OLFM3: variants seen among roughly 807,000 people sequenced by gnomAD.
OLFM3 encodes the protein noelin-3.
A neutral mutation model predicts 48.6 loss-of-function variants in OLFM3; 20 were observed. That is an observed-to-expected ratio of 0.41 (90% confidence interval 0.29 to 0.60). The LOEUF (loss-of-function observed/expected upper bound fraction) is 0.60. OLFM3 is among the 20% of genes least tolerant of loss of function. The pLI is 0.28. For synonymous variants in OLFM3, 222 were observed against 198.1 expected, an observed-to-expected ratio of 1.12 and a Z score of -1.01; for missense variants, 437 against 544.3, an observed-to-expected ratio of 0.80 and a Z score of 1.96.
chr1:101,894,103 A>T (rs774419443), intron 1 of OLFM3: 1 of 154,118 alleles, frequency 6.5e-6, no homozygotes. Context: ...GTGAATGAGC[A>T]AAGGACTGTA....
intron 1 of OLFM3, among the ~76,000 whole-genome samples, chr1:101,920,208 T>G (rs1328064816): frequency 6.6e-6 from 1 of 152,154 alleles, no homozygotes; most frequent in Non-Finnish European, 1.5e-5. Flanking sequence ...TTTAAAAATC[T>G]AAGTCAAATA....
At chr1:101,924,223 T>C (rs561696239) in intron 1 of OLFM3, among the ~76,000 whole-genome samples, 52 of 152,322 alleles carry the variant, frequency 3.4e-4, no homozygotes, top group African/African-American at 1.2e-3. Context: ...TATAGTGAAT[T>C]ATTTGCACAA....
chr1:101,899,070 G>A (rs778789619), intron 1 of OLFM3, among the ~76,000 whole-genome samples: 6 of 152,102 alleles, frequency 3.9e-5, no homozygotes, highest in East Asian at 1.9e-4. Context: ...CACAGTTTCC[G>A]TGCCAGGAAT....
At chr1:101,956,414 C>T (rs937753889) in intron 1 of OLFM3, among the ~76,000 whole-genome samples, 16 of 151,780 alleles carry the variant, frequency 1.1e-4, no homozygotes, top group East Asian at 1.9e-4. Flanking sequence ...ACAAACATCA[C>T]CTATTATTTA....
At chr1:101,910,968 C>CTATT (rs1482654528) in intron 1 of OLFM3, among the ~76,000 whole-genome samples, 4 of 152,010 alleles carry the variant, frequency 2.6e-5, no homozygotes, top group Non-Finnish European at 5.9e-5. Flanking sequence ...GATATTCACT[C>CTATT]AATAGAGTTA....
At chr1:101,904,390 G>A (rs1658488754) in intron 1 of OLFM3, among the ~76,000 whole-genome samples, 2 of 152,044 alleles carry the variant, frequency 1.3e-5, no homozygotes, top group Non-Finnish European at 1.5e-5. Context: ...GTAGGGTGGA[G>A]GAAGAGAGAG....
intron 1 of OLFM3, among the ~76,000 whole-genome samples, chr1:101,905,158 C>G (rs1658511181): frequency 6.6e-6 from 1 of 152,114 alleles, no homozygotes; most frequent in Admixed American, 6.6e-5. Flanking sequence ...ATCAGCTACT[C>G]TTACTTCTGT....
In OLFM3 at chr1:101,804,624, C is replaced by T. The variant is rs201689022; in HGVS notation, c.991G>A (p.Ala331Thr). Residue 331 changes from alanine (A) to threonine (T), a missense_variant, in exon 6 of 6, where the codon GCT becomes ACT. Physicochemically the swap from Ala to Thr is moderately conservative, Grantham distance 58. This residue lies in a region of OLFM3 where 15 missense variants were observed against 43.0 expected (regional missense o/e 0.35). Transcript: ENST00000370103. This position sits in a 1 kb window ranked among gnomAD's most constrained non-coding sequence, Gnocchi z 4.5. ...WGGFSDIDLM[A>T]DEIGLWAVYA... ...ACAGCCCACAGCCCGATTTCATCAG[C>T]CATTAGGTCGATGTCAGAGAATCCA... 6 of 1,612,494 alleles carry T rather than the reference C, an allele frequency of 3.7e-6. No homozygotes were observed. The highest frequency in any genetic ancestry group is 1.7e-4 in the Middle Eastern group (1 of 6,050).
At chr1:101,820,393 G>C (rs568668200) in intron 4 of OLFM3, among the ~76,000 whole-genome samples, 112 of 152,206 alleles carry the variant, frequency 7.4e-4, no homozygotes, top group African/African-American at 2.6e-3. Context: ...TCTTAGGGGT[G>C]TGTACAAACT....
Position 101,966,957 on chromosome 1 carries a change from T to C in OLFM3, c.69+29791A>G, listed in dbSNP as rs148519751. 1.8e-3 allele frequency among the ~76,000 whole-genome samples: 272 copies of C among 152,338 alleles called. 2 individuals are homozygous for C. The highest frequency in any genetic ancestry group is 6.4e-3 in the African/African-American group (266 of 41,576). ...AGGGAAATATTCTGAATATCTACTATAGAAATTAGGGCAAATGTGGTTGTT... is the reference window on the plus strand; with the variant it reads ...AGGGAAATATTCTGAATATCTACTACAGAAATTAGGGCAAATGTGGTTGTT... On this transcript the variant is annotated intron_variant, in intron 1 of 5. Transcript: ENST00000370103.
chr1:101,906,722 C>G (rs1658563417), intron 1 of OLFM3, among the ~76,000 whole-genome samples: 1 of 152,126 alleles, frequency 6.6e-6, no homozygotes, highest in Admixed American at 6.5e-5. Flanking sequence ...TTGACAAAAG[C>G]TAAAATGAAA....
Position 101,804,267 on chromosome 1 carries a change from G to A in OLFM3, c.1348C>T (p.His450Tyr). The A allele has an allele frequency of 1.9e-6, 3 of 1,603,990 alleles. No homozygotes were observed. Among genetic ancestry groups the A allele is most frequent in the Non-Finnish European group, 1.7e-6 (2 of 1,175,002 alleles). Residue 450 changes from histidine (H) to tyrosine (Y), a missense_variant, in exon 6 of 6, where the codon CAT (histidine) becomes TAT (tyrosine). Coordinates refer to ENST00000370103, the MANE Select transcript of OLFM3 (RefSeq NM_058170.4). The surrounding 1 kb of genome is among the most constrained non-coding windows in gnomAD (Gnocchi z 4.5). ...HQVLFNVTLF[H>Y]IIKTEDDT is the part of the protein sequence containing the mutation. ...GTGTCATCCTCTGTCTTGATGATAT[G>A]GAAAAGGGTGACATTGAACAGCACC... is the stretch of plus-strand genomic sequence containing the variant.
chr1:101,984,076 G>A (rs1214362088), intron 1 of OLFM3, among the ~76,000 whole-genome samples: 4 of 151,830 alleles, frequency 2.6e-5, no homozygotes, highest in South Asian at 2.1e-4. Context: ...TGGCAAAACC[G>A]CAGCTCTACA....
At chr1:101,826,113 G>A (rs1654851290) in intron 3 of OLFM3, among the ~76,000 whole-genome samples, 1 of 143,896 alleles carries the variant, frequency 6.9e-6, no homozygotes, top group Admixed American at 7.1e-5. Flanking sequence ...TGAAACTGAA[G>A]CATTGACTTT....
rs75162504 is a variant in OLFM3 at position 101,952,154 on chromosome 1, A to G, written c.69+44594T>C. 4.5e-4 allele frequency among the ~76,000 whole-genome samples: 69 copies of G among 152,252 alleles called. No individual in the cohort carries two copies. The East Asian group carries it at 0.012, about 26-fold the overall frequency. On this transcript the variant is annotated intron_variant, in intron 1 of 5. Coordinates refer to ENST00000370103, the MANE Select transcript of OLFM3 (RefSeq NM_058170.4). ...TAAACAACTGATTTGTCTTGGAAAC[A>G]CATACCCAGCCTTCAGGACTTAGTT...
At chr1:101,809,894 TATA>T (rs2100866762) in intron 4 of OLFM3, among the ~76,000 whole-genome samples, 1 of 152,054 alleles carries the variant, frequency 6.6e-6, no homozygotes, top group East Asian at 1.9e-4. Flanking sequence ...TAAACATTGC[TATA>T]ATAATGTAAA....
chr1:101,968,565 C>T (rs533192679), intron 1 of OLFM3, among the ~76,000 whole-genome samples: 1 of 149,228 alleles, frequency 6.7e-6, no homozygotes, highest in South Asian at 2.1e-4. Context: ...ATTAGTACCC[C>T]TTCCTCATGT....
intron 1 of OLFM3, among the ~76,000 whole-genome samples, chr1:101,878,934 T>C (rs1004784679): frequency 6.6e-6 from 1 of 151,862 alleles, no homozygotes; most frequent in Admixed American, 6.6e-5. Flanking sequence ...AGAAATCATA[T>C]GAGCTGCAAA....
At chr1:101,923,153 T>C (rs1421470413) in intron 1 of OLFM3, among the ~76,000 whole-genome samples, 2 of 152,216 alleles carry the variant, frequency 1.3e-5, no homozygotes, top group Admixed American at 6.5e-5. Context: ...CAATGCCCTT[T>C]ATTTCATAGG....
Sources: gnomAD v4.1 joint callset for allele counts (sites outside exome capture counted in the v4.1 genomes callset) on GRCh38, gnomAD v4.1.1 for gene constraint, gnomAD v4.1.1 regional missense constraint, Gnocchi (gnomAD v3.1) non-coding constraint, MANE v1.5 for transcripts, NCBI Gene and HGNC (gene_info 2026-07-23, HGNC 2026-07-21) for gene names.